Variants in BARD1 observed in about 807,000 individuals in gnomAD.
BARD1 encodes BRCA1 associated RING domain 1, also known as BRCA1-associated RING domain protein 1.
Under a neutral mutation model 77.0 loss-of-function variants are expected in BARD1, and 73 were observed. That is an observed-to-expected ratio of 0.95 (90% CI 0.79 to 1.15). BARD1 has a LOEUF of 1.15. BARD1 is among the 50% of genes most tolerant of loss of function. The pLI is 0.00. For synonymous variants in BARD1, 384 were observed against 338.0 expected (o/e 1.14, Z -1.49); for missense variants, 993 against 938.8 (o/e 1.06, Z -0.75).
At chr2:214,772,037 G>A (rs2106088395) in intron 4 of BARD1, among the ~76,000 whole-genome samples, 1 of 151,724 alleles carries the variant, frequency 6.6e-6, no homozygotes, top group South Asian at 2.1e-4. Flanking sequence ...CATGATCATA[G>A]CTCACTGTAA....
rs79944594 is a variant in BARD1, at chr2:214,739,811, G to A, written c.1903+5256C>T. Among the ~76,000 whole-genome samples, 265 of 152,062 alleles carry A rather than the reference G, an allele frequency of 1.7e-3. 4 individuals are homozygous for A. In the East Asian group the frequency reaches 0.047, roughly 27 times the overall value. ...GCAATTATTTATTTTTGACATTTTA[G>A]TAAAAATTCTGGCTATCAGCATATT... On this transcript the variant is annotated intron_variant, in intron 9 of 10. Coordinates refer to ENST00000260947, the MANE Select transcript of BARD1 (RefSeq NM_000465.4).
intron 2 of BARD1, among the ~76,000 whole-genome samples, chr2:214,794,407 T>A (rs2106140024): frequency 6.6e-6 from 1 of 152,294 alleles, no homozygotes; most frequent in South Asian, 2.1e-4. Context: ...CAAAAAAGTA[T>A]CACAATAGAC....
chr2:214,792,195 G>A (rs527977772), intron 3 of BARD1, 102 bp downstream of exon 3: 96 of 855,736 alleles, frequency 1.1e-4, no homozygotes, highest in African/African-American at 9.7e-4. Context: ...TCTGAAATAC[G>A]TATTCCAGAA....
intron 1 of BARD1, among the ~76,000 whole-genome samples, chr2:214,805,135 T>C (rs1366203675): frequency 4.6e-5 from 7 of 152,180 alleles, no homozygotes; most frequent in Non-Finnish European, 1.0e-4. Flanking sequence ...CACTCCAGCC[T>C]GGGTGACAGA....
chr2:214,751,079 C>CTGTGTGTGTGTG (rs760986670), intron 7 of BARD1, among the ~76,000 whole-genome samples: 12 of 39,466 alleles, frequency 3.0e-4, no homozygotes, highest in Non-Finnish European at 4.8e-4. Flanking sequence ...CTGTGAAATT[C>CTGTGTGTGTGTG]TGTGTGTGTG....
At chr2:214,762,808 A>G (rs979565566) in intron 6 of BARD1, among the ~76,000 whole-genome samples, 1 of 152,200 alleles carries the variant, frequency 6.6e-6, no homozygotes, top group African/African-American at 2.4e-5. Flanking sequence ...CTAATATGGT[A>G]TTTTTGAAAC....
intron 4 of BARD1, among the ~76,000 whole-genome samples, chr2:214,771,510 A>G (rs1449492952): frequency 6.6e-6 from 1 of 152,028 alleles, no homozygotes; most frequent in Admixed American, 6.6e-5. Flanking sequence ...CAGGCAAATC[A>G]TGAGGTCAGG....
intron 7 of BARD1, among the ~76,000 whole-genome samples, chr2:214,746,576 G>C (rs984996467): frequency 6.9e-6 from 1 of 144,286 alleles, no homozygotes; most frequent in Admixed American, 7.3e-5. Flanking sequence ...AAGACTCCAG[G>C]AAACAATATA....
At chr2:214,779,619 A>T (rs1423258983) in intron 4 of BARD1, among the ~76,000 whole-genome samples, 1 of 152,128 alleles carries the variant, frequency 6.6e-6, no homozygotes, top group Non-Finnish European at 1.5e-5. Flanking sequence ...GACCACACTC[A>T]ATGTCTACTC....
At chr2:214,743,154 T>C (rs1191960274) in intron 9 of BARD1, among the ~76,000 whole-genome samples, 1 of 152,184 alleles carries the variant, frequency 6.6e-6, no homozygotes, top group Non-Finnish European at 1.5e-5. Context: ...ACTGCATTGG[T>C]TGAGACAAGC....
chr2:214,801,517 G>C (rs74944505), intron 1 of BARD1, among the ~76,000 whole-genome samples: 10 of 152,056 alleles, frequency 6.6e-5, no homozygotes, highest in African/African-American at 2.2e-4. Context: ...TTCACAATCT[G>C]TAACACCTAA....
intron 7 of BARD1, among the ~76,000 whole-genome samples, chr2:214,747,494 G>A (rs1279318456): frequency 6.6e-6 from 1 of 151,116 alleles, no homozygotes; most frequent in African/African-American, 2.4e-5. Context: ...AAGAAAATGT[G>A]GCACATATAT....
rs148146777 is a variant in BARD1 at position 214,801,720 on chromosome 2, T to A, written c.159-4603A>T. ...GTTCCACTCTTTTCTAAGGGTCTTA[T>A]AATCTGGCCAATTAATTACATAAAC... On this transcript the variant is annotated intron_variant, in intron 1 of 10. Transcript: ENST00000260947. Among the ~76,000 whole-genome samples, 91 of 152,152 alleles carry A rather than the reference T, an allele frequency of 6.0e-4. No individual in the cohort carries two copies. The East Asian group carries it at 8.9e-3, about 15-fold the overall frequency.
Position 214,734,748 on chromosome 2 carries a change from TTC to T in BARD1, c.1904-4242_1904-4241del, listed in dbSNP as rs1228887019. On this transcript the variant is annotated intron_variant, in intron 9 of 10. Coordinates refer to ENST00000260947, the MANE Select transcript of BARD1 (RefSeq NM_000465.4). ...ATTCTTAAAATACCAATTTATTCTA[TTC>T]TGTTTTCTTTTTACTTTTCTAACTT... 3.9e-5 allele frequency among the ~76,000 whole-genome samples: 6 copies of T among 152,296 alleles called. No individual in the cohort carries two copies. In the East Asian group the frequency reaches 1.2e-3, roughly 29 times the overall value.
At chr2:214,764,150 C>A (rs1372145330) in intron 6 of BARD1, among the ~76,000 whole-genome samples, 1 of 152,182 alleles carries the variant, frequency 6.6e-6, no homozygotes, top group Non-Finnish European at 1.5e-5. Context: ...GGAGGCAATT[C>A]CCATTTTCAT....
intron 9 of BARD1, 47 bp downstream of exon 9, chr2:214,745,019 CA>C (rs753993044): frequency 1.9e-5 from 29 of 1,525,554 alleles, no homozygotes; most frequent in Non-Finnish European, 2.5e-5. Flanking sequence ...CCATGAAAAA[CA>C]AAACTAGTCT....
intron 1 of BARD1, among the ~76,000 whole-genome samples, chr2:214,806,832 C>A (rs1696294745): frequency 6.8e-6 from 1 of 147,712 alleles, no homozygotes; most frequent in Non-Finnish European, 1.5e-5. Context: ...TGAAATCATG[C>A]CACTGCACTC....
At chr2:214,743,672 C>T (rs1409508330) in intron 9 of BARD1, among the ~76,000 whole-genome samples, 1 of 148,274 alleles carries the variant, frequency 6.7e-6, no homozygotes, top group Admixed American at 6.8e-5. Context: ...CAACCTCCAC[C>T]TCCCGGGGTC....
At chr2:214,754,929 G>C (rs1693623602) in intron 6 of BARD1, among the ~76,000 whole-genome samples, 2 of 150,424 alleles carry the variant, frequency 1.3e-5, no homozygotes, top group Non-Finnish European at 3.0e-5. Context: ...AAATTTGGAA[G>C]TAGATGTAAG....
Sources: gnomAD v4.1 joint callset for allele counts (sites outside exome capture counted in the v4.1 genomes callset) on GRCh38, gnomAD v4.1.1 for gene constraint, MANE v1.5 for transcripts, NCBI Gene and HGNC (gene_info 2026-07-23, HGNC 2026-07-21) for gene names.